Variants in PRKG1 observed in about 807,000 individuals in gnomAD.
The protein encoded by PRKG1 is cGMP-dependent protein kinase 1.
Under a neutral mutation model 88.1 loss-of-function variants are expected in PRKG1, and 35 were observed. The ratio of observed to expected loss-of-function variants is 0.40; its 90% CI spans 0.30 to 0.53. The LOEUF (loss-of-function observed/expected upper bound fraction) is 0.53, where lower values mean the gene tolerates loss of function less well. PRKG1 is among the 20% of genes least tolerant of loss of function. PRKG1 has a pLI of 0.59. For missense variants in PRKG1, 540 were observed against 839.8 expected, an observed-to-expected ratio of 0.64 and a Z score of 4.41; for synonymous variants, 303 against 292.5, an observed-to-expected ratio of 1.04 and a Z score of -0.37.
chr10:51,011,109 C>A (rs900019755), intron 1 of PRKG1, among the ~76,000 whole-genome samples: 1 of 152,138 alleles, frequency 6.6e-6, no homozygotes, highest in African/African-American at 2.4e-5. Context: ...GGGGCAGTAA[C>A]GCCCCCACTG....
intron 5 of PRKG1, among the ~76,000 whole-genome samples, chr10:52,003,868 C>T (rs983088061): frequency 5.3e-5 from 8 of 152,192 alleles, no homozygotes; most frequent in African/African-American, 1.7e-4. Context: ...CATGAGTAGG[C>T]TCTGAAGTCA....
intron 5 of PRKG1, among the ~76,000 whole-genome samples, chr10:52,006,999 A>T (rs374687264): frequency 6.6e-6 from 1 of 152,142 alleles, no homozygotes; most frequent in East Asian, 1.9e-4. Flanking sequence ...AAAAATTCCA[A>T]CCGGGAATTC....
chr10:51,560,486 ATTTAGTTCTAATTTTTTGAAAAAACT>A (rs1294245352), intron 3 of PRKG1, among the ~76,000 whole-genome samples: 1 of 152,108 alleles, frequency 6.6e-6, no homozygotes, highest in Non-Finnish European at 1.5e-5. Flanking sequence ...ATAGGATTAA[ATTTAGTTCTAATTTTTTGAAAAAACT>A]TTTAGAGTAA....
At position 51,170,437 on chromosome 10, in the gene PRKG1, TACACAC is replaced by T. The variant is rs56159895; in HGVS notation, c.478+17135_478+17140del. On this transcript the variant is annotated intron_variant, in intron 2 of 17. Transcript: ENST00000373980. Reference sequence around the variant, plus strand: ...ACTGATTTTTTCAAATGTCTGGGTATACACACACACACACACACACACACACACACA... The same window carrying T: ...ACTGATTTTTTCAAATGTCTGGGTATACACACACACACACACACACACACA... Among the ~76,000 whole-genome samples, 1,151 of 144,634 alleles carry T rather than the reference TACACAC, an allele frequency of 8.0e-3. 12 individuals carry two copies. The highest frequency in any genetic ancestry group is 0.024 in the African/African-American group (944 of 39,178). The allele number at this position is 144,634 out of a possible 152,430, so 94.9% of individuals were successfully genotyped here.
chr10:51,374,082 C>CAAAAAAAAA (rs769407143), intron 2 of PRKG1, among the ~76,000 whole-genome samples: 2 of 95,580 alleles, frequency 2.1e-5, no homozygotes, highest in African/African-American at 7.5e-5. Context: ...GCAGAGGTTG[C>CAAAAAAAAA]AAAAAAAAAA....
chr10:51,227,468 T>C (rs1448698768), intron 2 of PRKG1, among the ~76,000 whole-genome samples: 3 of 152,162 alleles, frequency 2.0e-5, no homozygotes, highest in Admixed American at 2.0e-4. Flanking sequence ...AATTTATTAT[T>C]CTTGTTTGGA....
intron 2 of PRKG1, chr10:51,306,556 TTCTC>T (rs2132250199): frequency 6.6e-6 from 1 of 152,260 alleles, no homozygotes; most frequent in African/African-American, 2.4e-5. Context: ...CTAATCGGCT[TTCTC>T]TCTCTCAGGA....
intron 6 of PRKG1, among the ~76,000 whole-genome samples, chr10:52,061,902 T>C (rs1358463833): frequency 6.6e-6 from 1 of 152,078 alleles, no homozygotes; most frequent in Non-Finnish European, 1.5e-5. Flanking sequence ...GACAGGCGTA[T>C]CCTAGAGAAA....
chr10:51,370,790 G>GT (rs998629658), intron 2 of PRKG1, among the ~76,000 whole-genome samples: 1 of 151,688 alleles, frequency 6.6e-6, no homozygotes, highest in Non-Finnish European at 1.5e-5. Flanking sequence ...TTTACATGAG[G>GT]TTTTTTTTCA....
chr10:51,798,542 G>T (rs1262109047), intron 3 of PRKG1, among the ~76,000 whole-genome samples: 1 of 151,882 alleles, frequency 6.6e-6, no homozygotes, highest in African/African-American at 2.4e-5. Context: ...GCTTCATCTT[G>T]GCCTTCTAAT....
Position 51,591,142 on chromosome 10 carries a change from AGTATG to A in PRKG1, c.592+123307_592+123311del, listed in dbSNP as rs531682253. 6.3e-3 allele frequency among the ~76,000 whole-genome samples: 293 copies of A among 46,382 alleles called. 2 individuals are homozygous for A. Among genetic ancestry groups the A allele is most frequent in the African/African-American group, 0.011 (285 of 24,790 alleles). 30.4% of individuals were successfully genotyped at this position (46,382 alleles called of 152,430 possible). A position where few individuals can be genotyped will look rare whatever the true frequency, so the allele number is the denominator to read the frequency against. On this transcript the variant is annotated intron_variant, in intron 3 of 17. Transcript: ENST00000373980. ...TAAGTAAGAGTCAGTAAGGAAAAGTAGTATGTGTGTGTGTGTGTGTGTGCCTGTGT... is the reference window on the plus strand; with the variant it reads ...TAAGTAAGAGTCAGTAAGGAAAAGTATGTGTGTGTGTGTGTGTGCCTGTGT...
chr10:51,030,019 A>G (rs1435098657), intron 1 of PRKG1, among the ~76,000 whole-genome samples: 1 of 152,172 alleles, frequency 6.6e-6, no homozygotes, highest in East Asian at 1.9e-4. Context: ...CTGATAGAGA[A>G]AATAGCAAAC....
At chr10:51,945,064 C>A (rs1004691063) in intron 5 of PRKG1, among the ~76,000 whole-genome samples, 43 of 151,070 alleles carry the variant, frequency 2.8e-4, no homozygotes, top group African/African-American at 1.0e-3. Context: ...GTGTTAAAGT[C>A]TCCCATTATT....
chr10:52,104,132 A>G (rs1432479778), intron 7 of PRKG1, among the ~76,000 whole-genome samples: 1 of 151,294 alleles, frequency 6.6e-6, no homozygotes, highest in Non-Finnish European at 1.5e-5. Flanking sequence ...AAATGATTAA[A>G]TGATGGCTAT....
intron 1 of PRKG1, among the ~76,000 whole-genome samples, chr10:51,139,700 C>T (rs1274138593): frequency 2.6e-5 from 4 of 152,178 alleles, no homozygotes; most frequent in Admixed American, 2.6e-4. Context: ...AGTCTCACTT[C>T]TATTCCTCTC....
intron 3 of PRKG1, among the ~76,000 whole-genome samples, chr10:51,685,106 CT>C (rs1248448711): frequency 6.6e-6 from 1 of 152,160 alleles, no homozygotes; most frequent in African/African-American, 2.4e-5. Context: ...ACCTTCATCA[CT>C]TAGTGAAAAT....
intron 9 of PRKG1, among the ~76,000 whole-genome samples, chr10:52,170,141 T>C (rs1209499110): frequency 2.0e-5 from 3 of 152,182 alleles, no homozygotes; most frequent in African/African-American, 7.2e-5. Flanking sequence ...TAGTATAAAT[T>C]TGTCCATAAA....
intron 2 of PRKG1, among the ~76,000 whole-genome samples, chr10:51,166,099 G>A (rs1298780076): frequency 6.8e-6 from 1 of 147,964 alleles, no homozygotes; most frequent in Non-Finnish European, 1.5e-5. Context: ...CTATTACCTT[G>A]CATTTCGTCT....
intron 9 of PRKG1, among the ~76,000 whole-genome samples, chr10:52,232,235 G>A (rs1203047998): frequency 6.6e-6 from 1 of 151,946 alleles, no homozygotes; most frequent in Non-Finnish European, 1.5e-5. Flanking sequence ...CCCGGGAGGT[G>A]GAGGATGCAG....
Sources: gnomAD v4.1 joint callset for allele counts (sites outside exome capture counted in the v4.1 genomes callset) on GRCh38, gnomAD v4.1.1 for gene constraint, MANE v1.5 for transcripts, NCBI Gene and HGNC (gene_info 2026-07-23, HGNC 2026-07-21) for gene names.